Variants in PIKFYVE observed in about 807,000 individuals in gnomAD.
PIKFYVE encodes the protein 1-phosphatidylinositol 3-phosphate 5-kinase.
A neutral mutation model predicts 257.9 loss-of-function variants in PIKFYVE; 122 were observed. That is an observed-to-expected ratio of 0.47 (90% CI 0.41 to 0.55). The LOEUF (loss-of-function observed/expected upper bound fraction) is 0.55. PIKFYVE is among the 20% of genes least tolerant of loss of function. PIKFYVE has a pLI of 0.00. For synonymous variants in PIKFYVE, 892 were observed against 868.9 expected (o/e 1.03, Z -0.47); for missense variants, 2,160 against 2,536.6 (o/e 0.85, Z 3.19).
At chr2:208,290,028 A>G (rs577884113) in intron 7 of PIKFYVE, among the ~76,000 whole-genome samples, 2 of 152,180 alleles carry the variant, frequency 1.3e-5, no homozygotes, top group East Asian at 1.9e-4. Context: ...GAGTTCCCCT[A>G]TAGCCCCTGT....
chr2:208,306,864 G>A (rs1382475267), intron 12 of PIKFYVE, among the ~76,000 whole-genome samples: 1 of 150,784 alleles, frequency 6.6e-6, no homozygotes, highest in Non-Finnish European at 1.5e-5. Flanking sequence ...TGCAACCTCC[G>A]CCTCGTGGGT....
intron 21 of PIKFYVE, among the ~76,000 whole-genome samples, chr2:208,328,621 T>C (rs1697200361): frequency 6.6e-6 from 1 of 152,238 alleles, no homozygotes; most frequent in Non-Finnish European, 1.5e-5. Flanking sequence ...ATATACTTAA[T>C]GAGTTATCTT....
intron 12 of PIKFYVE, among the ~76,000 whole-genome samples, chr2:208,306,486 T>C (rs907060178): frequency 6.6e-6 from 1 of 152,250 alleles, no homozygotes; most frequent in African/African-American, 2.4e-5. Context: ...AGTATACTTT[T>C]GACTTGGTGA....
At chr2:208,308,371 A>T (rs1694581508) in intron 12 of PIKFYVE, among the ~76,000 whole-genome samples, 1 of 151,014 alleles carries the variant, frequency 6.6e-6, no homozygotes, top group African/African-American at 2.4e-5. Flanking sequence ...ACTGCAGTCC[A>T]GCCTCGGTGA....
chr2:208,354,025 G>T lies in PIKFYVE; in HGVS notation c.5972G>T (p.Arg1991Leu). The T allele has an allele frequency of 6.2e-7, 1 of 1,613,972 alleles. No individual in the cohort carries two copies. Among genetic ancestry groups the T allele is most frequent in the South Asian group, 1.1e-5 (1 of 91,068 alleles). ...GTTCGAGACAACCCTCTATATATTC[G>T]TTCTCATTCCAAAGCTGTGCTGAGA... ...KMVRDNPLYI[R>L]SHSKAVLRTS... Residue 1991 changes from arginine to leucine, a missense_variant, in exon 40 of 42, where the codon CGT (arginine) becomes CTT (leucine). By Grantham distance (102) the Arg-to-Leu change is moderately radical. This residue lies in a region of PIKFYVE where 699 missense variants were observed against 855.8 expected (regional missense o/e 0.82). Transcript: ENST00000264380.
At chr2:208,319,787 T>A (rs1047769980) in intron 16 of PIKFYVE, among the ~76,000 whole-genome samples, 1 of 152,238 alleles carries the variant, frequency 6.6e-6, no homozygotes, top group African/African-American at 2.4e-5. Flanking sequence ...AATGATTGTT[T>A]GGAAATTTAT....
At chr2:208,299,323 C>T (rs1693393117) in intron 8 of PIKFYVE, among the ~76,000 whole-genome samples, 1 of 151,676 alleles carries the variant, frequency 6.6e-6, no homozygotes, top group Admixed American at 6.6e-5. Flanking sequence ...TGGAGTCTCG[C>T]TCTGTCACCA....
rs186376508 is a variant in PIKFYVE, at chr2:208,317,776, A to T, written c.2008-91A>T. On this transcript the variant is annotated intron_variant, in intron 15 of 41. Coordinates refer to ENST00000264380, the MANE Select transcript of PIKFYVE (RefSeq NM_015040.4). ...TTCTTATTTGATTACATAATAGTTT[A>T]AAAAAAATGGAAAGAAATAATAGCG... The T allele has an allele frequency of 7.0e-4, 833 of 1,190,086 alleles. 4 individuals are homozygous for T. In the African/African-American group the frequency reaches 9.1e-3, roughly 13 times the overall value. 73.7% of individuals were successfully genotyped at this position (1,190,086 alleles called of 1,614,324 possible).
chr2:208,295,585 A>G (rs1692862809), intron 7 of PIKFYVE, among the ~76,000 whole-genome samples: 1 of 152,190 alleles, frequency 6.6e-6, no homozygotes, highest in African/African-American at 2.4e-5. Context: ...AAGTTTATCA[A>G]AAGCTTCCTA....
chr2:208,350,783 C>G lies in PIKFYVE; in HGVS notation c.5447C>G (p.Ala1816Gly). ...CTGTTGTTTATAGAATTTTCAGATGCTAATGCCAAGTTTTACTGTCGGCTC... is the reference window on the plus strand; with the variant it reads ...CTGTTGTTTATAGAATTTTCAGATGGTAATGCCAAGTTTTACTGTCGGCTC... ...NPHVELQFSD[A>G]NAKFYCRLYY... The change falls in exon 37 of 42, where the codon GCT (alanine) becomes GGT (glycine). Residue 1816 changes from alanine (A) to glycine (G), a missense_variant. This residue lies in a region of PIKFYVE where 699 missense variants were observed against 855.8 expected (regional missense o/e 0.82). Transcript: ENST00000264380. 1.2e-6 allele frequency: 2 copies of G among 1,614,082 alleles called. No individual in the cohort carries two copies. The highest frequency in any genetic ancestry group is 1.7e-6 in the Non-Finnish European group (2 of 1,180,014).
Position 208,326,005 on chromosome 2 carries a change from CCTTT to C in PIKFYVE, c.3199_3202del (p.Leu1067Ter). 1 of 1,614,096 alleles carries C rather than the reference CCTTT, an allele frequency of 6.2e-7. No individual in the cohort carries two copies. The highest frequency in any genetic ancestry group is 8.5e-7 in the Non-Finnish European group (1 of 1,180,012). On this transcript the variant is annotated frameshift_variant, in exon 20 of 42. Transcript: ENST00000264380. LOFTEE classifies it high-confidence loss of function. ...TCCCCAGTAATCACATTCCGAGAAC[CCTTT>C]CTTTTAACTGAAAAGGGGATGAGAT...
chr2:208,343,054 C>G (rs1698870607), intron 32 of PIKFYVE, among the ~76,000 whole-genome samples: 3 of 152,124 alleles, frequency 2.0e-5, no homozygotes, highest in African/African-American at 7.2e-5. Flanking sequence ...CTCGGCCTCC[C>G]AAAGTGCTGG....
intron 5 of PIKFYVE, among the ~76,000 whole-genome samples, chr2:208,279,464 AT>A (rs1690529812): frequency 6.6e-6 from 1 of 152,138 alleles, no homozygotes; most frequent in African/African-American, 2.4e-5. Context: ...TTAGTCATAA[AT>A]TGTTTCCCAA....
In PIKFYVE at chr2:208,351,412, C is replaced by T; in HGVS notation, c.5672C>T (p.Ala1891Val). Residue 1891 changes from alanine to valine, a missense_variant, in exon 38 of 42, where the codon GCA (alanine) becomes GTA (valine). Around this residue, in one of 12 missense-constraint regions of PIKFYVE, gnomAD observed 699 missense variants for 855.8 expected, o/e 0.82. Transcript: ENST00000264380. The part of the protein sequence containing the change: ...RLEVQSFLDF[A>V]PHYFNYITNA... ...GAAGTCCAGTCCTTCCTCGACTTTGCACCACATTACTTCAATTATATTACA... is the reference window on the plus strand; with the variant it reads ...GAAGTCCAGTCCTTCCTCGACTTTGTACCACATTACTTCAATTATATTACA... 2.5e-6 allele frequency: 4 copies of T among 1,613,428 alleles called. No homozygotes were observed. The highest frequency in any genetic ancestry group is 3.4e-6 in the Non-Finnish European group (4 of 1,179,378).
At chr2:208,283,697 C>T (rs868062081) in intron 5 of PIKFYVE, among the ~76,000 whole-genome samples, 2 of 152,100 alleles carry the variant, frequency 1.3e-5, no homozygotes, top group Non-Finnish European at 2.9e-5. Context: ...CCTCCTACCT[C>T]TCCGCCTCCC....
chr2:208,337,012 A>G, intron 28 of PIKFYVE, 84 bp downstream of exon 28: 1 of 1,099,600 alleles, frequency 9.1e-7, no homozygotes, highest in South Asian at 1.3e-5. Context: ...GGATAGTTTA[A>G]TATGTACTTT....
chr2:208,347,432 T>C (rs1699331923), intron 34 of PIKFYVE, among the ~76,000 whole-genome samples: 1 of 152,216 alleles, frequency 6.6e-6, no homozygotes. Context: ...TACCTTTAAC[T>C]GAATTCTTGT....
chr2:208,328,303 C>G (rs778239928), intron 21 of PIKFYVE, 23 bp downstream of exon 21: 1 of 1,612,708 alleles, frequency 6.2e-7, no homozygotes, highest in Non-Finnish European at 8.5e-7. Context: ...TCCCCCTACA[C>G]TATTCCACAT....
intron 17 of PIKFYVE, among the ~76,000 whole-genome samples, chr2:208,321,360 C>G (rs560467131): frequency 4.8e-4 from 73 of 151,988 alleles, no homozygotes; most frequent in African/African-American, 1.8e-3. Context: ...GTACTGATTT[C>G]CTAGATAACA....
Sources: allele counts gnomAD v4.1 joint callset (sites outside exome capture counted in the v4.1 genomes callset), GRCh38; gene constraint gnomAD v4.1.1; regional missense constraint gnomAD v4.1.1; transcripts MANE v1.5; gene names NCBI Gene and HGNC (gene_info 2026-07-23, HGNC 2026-07-21).